The following PRKAR1B variants were observed in gnomAD, a reference collection of about 807,000 sequenced individuals.
PRKAR1B encodes protein kinase cAMP-dependent type I regulatory subunit beta.
Under a neutral mutation model 46.5 loss-of-function variants are expected in PRKAR1B, and 22 were observed. The observed-to-expected ratio is 0.47, with a 90% CI of 0.34 to 0.68. The LOEUF (loss-of-function observed/expected upper bound fraction) is 0.68, where lower values mean the gene tolerates loss of function less well. PRKAR1B is among the 30% of genes least tolerant of loss of function. PRKAR1B has a pLI of 0.01. For missense variants in PRKAR1B, 445 were observed against 535.6 expected (o/e 0.83, Z 1.67); for synonymous variants, 259 against 217.7 (o/e 1.19, Z -1.67).
At chr7:680,177 AAGAG>A (rs1232465706) in intron 3 of PRKAR1B, among the ~76,000 whole-genome samples, 3 of 147,944 alleles carry the variant, frequency 2.0e-5, no homozygotes, top group Admixed American at 6.7e-5. Context: ...AAAAAAAAAA[AAGAG>A]AGAGACCAGA....
chr7:677,130 A>C (rs1778372220), intron 4 of PRKAR1B, 99 bp downstream of exon 4: 2 of 1,142,804 alleles, frequency 1.8e-6, no homozygotes, highest in Non-Finnish European at 2.6e-6. Flanking sequence ...GAGGCCAGGG[A>C]GGGAGGCAGT....
intron 9 of PRKAR1B, among the ~76,000 whole-genome samples, chr7:563,494 G>T (rs1471878986): frequency 6.6e-6 from 1 of 152,268 alleles, no homozygotes; most frequent in South Asian, 2.1e-4. Context: ...GCCCCAGGGG[G>T]CCCCAAGCTG....
At chr7:574,574 G>A (rs1779713143) in intron 9 of PRKAR1B, among the ~76,000 whole-genome samples, 1 of 151,972 alleles carries the variant, frequency 6.6e-6, no homozygotes. Context: ...CCTCCCAGTA[G>A]CCGGGATTAC....
chr7:720,615 C>T (rs1366787502), intron 1 of PRKAR1B, among the ~76,000 whole-genome samples: 1 of 152,204 alleles, frequency 6.6e-6, no homozygotes, highest in Non-Finnish European at 1.5e-5. Flanking sequence ...TTGTCTCTTC[C>T]TCCTTTCAGC....
intron 4 of PRKAR1B, among the ~76,000 whole-genome samples, chr7:634,946 T>C (rs1320734965): frequency 6.6e-6 from 1 of 152,122 alleles, no homozygotes; most frequent in Non-Finnish European, 1.5e-5. Flanking sequence ...AGCCTGCAAC[T>C]TACTCTCAAA....
intron 9 of PRKAR1B, among the ~76,000 whole-genome samples, chr7:555,630 C>T (rs1420875493): frequency 6.6e-6 from 1 of 152,196 alleles, no homozygotes; most frequent in Non-Finnish European, 1.5e-5. Flanking sequence ...GCTGCTGCAC[C>T]CCAGACCTTC....
upstream of PRKAR1B, chr7:727,379 C>A: frequency 1.0e-6 from 1 of 969,992 alleles, no homozygotes; most frequent in Non-Finnish European, 1.3e-6. Context: ...TCCACCTCCG[C>A]GGCCCCTCTC....
At chr7:640,406 G>A (rs1784326039) in intron 4 of PRKAR1B, among the ~76,000 whole-genome samples, 1 of 151,908 alleles carries the variant, frequency 6.6e-6, no homozygotes, top group Non-Finnish European at 1.5e-5. Flanking sequence ...GAAGTTAAAC[G>A]ACTGGCTAAG....
At chr7:582,367 A>G (rs1051115648) in intron 8 of PRKAR1B, among the ~76,000 whole-genome samples, 2 of 152,264 alleles carry the variant, frequency 1.3e-5, no homozygotes, top group Admixed American at 1.3e-4. Flanking sequence ...CCACGGCTTC[A>G]GGCTCATCCA....
At position 550,392 on chromosome 7, in the gene PRKAR1B, C is replaced by G. The variant is rs765613656; in HGVS notation, c.*38G>C. 3.2e-5 allele frequency: 50 copies of G among 1,558,610 alleles called. No individual in the cohort carries two copies. Among genetic ancestry groups the G allele is most frequent in the Non-Finnish European group, 4.2e-5 (48 of 1,150,538 alleles). On this transcript the variant is annotated 3_prime_UTR_variant, in exon 11 of 11. Transcript: ENST00000537384. ...ACACAGACGAGCAGGGCACGGCCAC[C>G]ACACTGGGGAGCTGGGGCTGCAGGG...
intron 4 of PRKAR1B, among the ~76,000 whole-genome samples, chr7:649,149 G>C (rs1784766239): frequency 2.6e-5 from 4 of 152,222 alleles, no homozygotes; most frequent in Non-Finnish European, 5.9e-5. Context: ...GGGTGACAGA[G>C]TGAGACTCCG....
rs1446842368 is a variant in PRKAR1B at position 697,964 on chromosome 7, A to C, written c.177+13365T>G. 4.9e-3 allele frequency among the ~76,000 whole-genome samples: 314 copies of C among 64,364 alleles called. 4 individuals carry two copies. Among genetic ancestry groups the C allele is most frequent in the African/African-American group, 0.02 (301 of 15,414 alleles). 42.2% of individuals were successfully genotyped at this position (64,364 alleles called of 152,430 possible). ...AAGGGACGGGAGGGAAGGGAAGGGA[A>C]GGAAGGGAAGGGAAGGGAGCGGAGG... On this transcript the variant is annotated intron_variant, in intron 2 of 10. Transcript: ENST00000537384.
intron 4 of PRKAR1B, among the ~76,000 whole-genome samples, chr7:669,240 A>G (rs1183458780): frequency 6.6e-6 from 1 of 152,216 alleles, no homozygotes; most frequent in East Asian, 1.9e-4. Flanking sequence ...GTCATATATC[A>G]TGGTTCATTT....
chr7:710,995 T>G (rs936702042), intron 2 of PRKAR1B, among the ~76,000 whole-genome samples: 5 of 152,144 alleles, frequency 3.3e-5, no homozygotes, highest in Non-Finnish European at 7.3e-5. Context: ...AAACTGTCGG[T>G]GAGCCCCACA....
chr7:601,398 T>TC (rs1417067135), intron 6 of PRKAR1B, among the ~76,000 whole-genome samples: 1 of 152,116 alleles, frequency 6.6e-6, no homozygotes, highest in Non-Finnish European at 1.5e-5. Flanking sequence ...ATGCGGCCGT[T>TC]CCCCCGGGTG....
intron 2 of PRKAR1B, among the ~76,000 whole-genome samples, chr7:699,783 C>A (rs1203480383): frequency 6.6e-6 from 1 of 152,058 alleles, no homozygotes; most frequent in Non-Finnish European, 1.5e-5. Context: ...GGAGCCAGAC[C>A]CCGTGAGGCA....
intron 8 of PRKAR1B, among the ~76,000 whole-genome samples, chr7:580,673 G>T (rs1482370405): frequency 6.8e-6 from 1 of 147,776 alleles, no homozygotes; most frequent in Non-Finnish European, 1.5e-5. Flanking sequence ...ACCCTTGGAA[G>T]GAAAAAAAAT....
At chr7:651,032 A>T (rs1784878294) in intron 4 of PRKAR1B, among the ~76,000 whole-genome samples, 1 of 152,150 alleles carries the variant, frequency 6.6e-6, no homozygotes, top group Non-Finnish European at 1.5e-5. Context: ...CAAGCCATTC[A>T]AGCCCTGCTG....
intron 6 of PRKAR1B, 69 bp downstream of exon 6, chr7:606,124 G>T: frequency 6.6e-7 from 1 of 1,510,202 alleles, no homozygotes; most frequent in Non-Finnish European, 9.2e-7. Context: ...GGTGCTGCCT[G>T]GAGGGCAAGT....
Sources: gnomAD v4.1 joint callset for allele counts (sites outside exome capture counted in the v4.1 genomes callset) on GRCh38, gnomAD v4.1.1 for gene constraint, MANE v1.5 for transcripts, NCBI Gene and HGNC (gene_info 2026-07-23, HGNC 2026-07-21) for gene names.